CADM1: variants seen among roughly 807,000 people sequenced by gnomAD.
The protein encoded by CADM1 is cell adhesion molecule 1.
In CADM1, 15 loss-of-function variants were observed where a neutral mutation model predicts 53.1. The observed-to-expected ratio is 0.28, with a 90% CI of 0.19 to 0.44. The LOEUF is 0.44. Among genes scored for constraint, CADM1 ranks in the 20% least tolerant of loss-of-function variants. The pLI, the probability that CADM1 is intolerant of heterozygous loss-of-function variation, is 1.00. For synonymous variants in CADM1, 281 were observed against 243.0 expected (o/e 1.16, Z -1.45); for missense variants, 434 against 611.3 (o/e 0.71, Z 3.06).
intron 1 of CADM1, among the ~76,000 whole-genome samples, chr11:115,286,737 G>C (rs1943738938): frequency 6.6e-6 from 1 of 152,144 alleles, no homozygotes; most frequent in African/African-American, 2.4e-5. Context: ...TCTCCCCCCA[G>C]TTAAGGAACA....
intron 1 of CADM1, among the ~76,000 whole-genome samples, chr11:115,413,035 A>G (rs1329559733): frequency 1.3e-5 from 2 of 152,184 alleles, no homozygotes; most frequent in African/African-American, 4.8e-5. Flanking sequence ...GTACCATTTC[A>G]TTCAGCCATT....
At chr11:115,301,308 G>A (rs1486489200) in intron 1 of CADM1, among the ~76,000 whole-genome samples, 1 of 152,040 alleles carries the variant, frequency 6.6e-6, no homozygotes, top group East Asian at 1.9e-4. Context: ...CTATGTGTAT[G>A]ACACAGCCCG....
intron 1 of CADM1, among the ~76,000 whole-genome samples, chr11:115,379,035 G>C (rs1946510593): frequency 6.6e-6 from 1 of 152,168 alleles, no homozygotes; most frequent in Non-Finnish European, 1.5e-5. Context: ...AATGATAAAT[G>C]TCTCTAGCTA....
intron 1 of CADM1, among the ~76,000 whole-genome samples, chr11:115,503,062 G>C (rs374007613): frequency 3.9e-5 from 6 of 152,120 alleles, no homozygotes; most frequent in Admixed American, 6.5e-5. Context: ...CCGCGGCCCC[G>C]TGCCACTCGG....
chr11:115,471,629 TTC>T (rs1315413944), intron 1 of CADM1, among the ~76,000 whole-genome samples: 1 of 152,190 alleles, frequency 6.6e-6, no homozygotes, highest in African/African-American at 2.4e-5. Context: ...CCCCCAGAGT[TTC>T]TGACTCAGCA....
At chr11:115,391,318 T>C (rs220869) in intron 1 of CADM1, among the ~76,000 whole-genome samples, 3,301 of 152,344 alleles carry the variant, frequency 0.022, 134 homozygotes, top group African/African-American at 0.069. Context: ...ATTTCTTCTT[T>C]ACATTCATGT....
Position 115,214,776 on chromosome 11 carries a change from C to T in CADM1, c.826G>A (p.Val276Met). 1.2e-6 allele frequency: 2 copies of T among 1,613,820 alleles called. No homozygotes were observed. Among genetic ancestry groups the T allele is most frequent in the Non-Finnish European group, 1.7e-6 (2 of 1,179,854 alleles). ...TCEAIGKPQP[V>M]MVTWVRVDDE... ...TCGACTCTCACCCAAGTTACCATCA[C>T]AGGCCTGCAGGGGGAAGGGGAGGAA... Residue 276 changes from valine to methionine, a missense_variant, in exon 7 of 12, where the codon GTG becomes ATG. Transcript: ENST00000331581.
At position 115,284,142 on chromosome 11, in the gene CADM1, G is replaced by A. The variant is rs1023097660; in HGVS notation, c.125-43722C>T. On this transcript the variant is annotated intron_variant, in intron 1 of 11. Transcript: ENST00000331581. ...TGTGTGTGTGTGTGTGTGTGTGTGT[G>A]TGTGTGTGTGTGTATGGTGAGGAGG... Among the ~76,000 whole-genome samples, 71 of 130,396 alleles carry A rather than the reference G, an allele frequency of 5.4e-4. 1 individual carries two copies. Among genetic ancestry groups the A allele is most frequent in the African/African-American group, 2.2e-3 (70 of 32,014 alleles). 85.5% of individuals were successfully genotyped at this position (130,396 alleles called of 152,430 possible).
In CADM1 at chr11:115,176,508, T is replaced by C. The variant is rs753803938; in HGVS notation, c.1382A>G (p.Asn461Ser). The part of the protein sequence containing the change: ...TAIINAEGGQ[N>S]NSEEKKEYFI ...GTACTCTTTCTTTTCTTCGGAGTTG[T>C]TCTGTCCTCCTTCTGCATTGATTAT... Residue 461 changes from asparagine (N) to serine (S), a missense_variant, in exon 12 of 12, where the codon AAC (asparagine) becomes AGC (serine). Physicochemically the swap from Asn to Ser is conservative, Grantham distance 46. Coordinates refer to ENST00000331581, the MANE Select transcript of CADM1 (RefSeq NM_001301043.2). The C allele has an allele frequency of 1.2e-6, 2 of 1,614,126 alleles. No homozygotes were observed. The highest frequency in any genetic ancestry group is 8.5e-7 in the Non-Finnish European group (1 of 1,179,980).
rs532643540 is a variant in CADM1, at chr11:115,206,260, T to C, written c.1078+3314A>G. The stretch of plus-strand genomic sequence containing the variant: ...ACCATCATAAATCAGGGACTGTTTG[T>C]ATTCCTTTCAGTACTTTAGAGACTA... On this transcript the variant is annotated intron_variant, in intron 8 of 11. Coordinates refer to ENST00000331581, the MANE Select transcript of CADM1 (RefSeq NM_001301043.2). Among the ~76,000 whole-genome samples, 6 of 152,326 alleles carry C rather than the reference T, an allele frequency of 3.9e-5. No individual in the cohort carries two copies. The East Asian group carries it at 1.2e-3, about 29-fold the overall frequency.
chr11:115,486,438 T>C (rs1949374476), intron 1 of CADM1, among the ~76,000 whole-genome samples: 2 of 151,832 alleles, frequency 1.3e-5, no homozygotes, highest in African/African-American at 2.4e-5. Flanking sequence ...ATAGCCCCCA[T>C]CTCCCAGGTT....
At chr11:115,246,261 T>G (rs984675933) in intron 1 of CADM1, among the ~76,000 whole-genome samples, 1 of 152,260 alleles carries the variant, frequency 6.6e-6, no homozygotes, top group Non-Finnish European at 1.5e-5. Context: ...CTTAACCTTT[T>G]TGATCCTCTC....
At chr11:115,405,381 T>C (rs765841936) in intron 1 of CADM1, among the ~76,000 whole-genome samples, 4 of 152,216 alleles carry the variant, frequency 2.6e-5, no homozygotes, top group Non-Finnish European at 5.9e-5. Context: ...ACAGCACCTA[T>C]GCTACCAGCC....
chr11:115,256,245 C>T (rs963235208), intron 1 of CADM1, among the ~76,000 whole-genome samples: 1 of 152,176 alleles, frequency 6.6e-6, no homozygotes, highest in Admixed American at 6.5e-5. Context: ...TTCACTCTGG[C>T]TAGCAGATAA....
At chr11:115,224,561 C>T (rs564173155) in intron 5 of CADM1, among the ~76,000 whole-genome samples, 10 of 151,984 alleles carry the variant, frequency 6.6e-5, no homozygotes, top group Admixed American at 6.6e-4. Context: ...AGGATTTTTG[C>T]CAAACATTTT....
In CADM1 at chr11:115,172,748, TTTTTTTTTTTA is replaced by T. The variant is rs1251625629; in HGVS notation, c.*3715_*3725del. ...TGATTTTTTTTTTTTTTTTTTTTTT[TTTTTTTTTTTA>T]ACAGAGACAGGTAAGAGACCAGGCC... On this transcript the variant is annotated 3_prime_UTR_variant, in exon 12 of 12. Transcript: ENST00000331581. 0.042 allele frequency: 3,583 copies of T among 84,742 alleles called. 229 individuals carry two copies. The highest frequency in any genetic ancestry group is 0.15 in the African/African-American group (3,286 of 21,356). The allele number at this position is 84,742 out of a possible 1,614,324, so 5.2% of individuals were successfully genotyped here.
intron 1 of CADM1, among the ~76,000 whole-genome samples, chr11:115,473,062 G>A (rs1220067778): frequency 2.0e-5 from 3 of 152,108 alleles, no homozygotes; most frequent in African/African-American, 4.8e-5. Flanking sequence ...CAGAAAACTC[G>A]CCCTAGTTTA....
At chr11:115,216,063 G>C (rs1412159859) in intron 6 of CADM1, among the ~76,000 whole-genome samples, 1 of 152,228 alleles carries the variant, frequency 6.6e-6, no homozygotes, top group Non-Finnish European at 1.5e-5. Context: ...GGCCTGCCTG[G>C]CAATCAGACG....
At chr11:115,423,691 CTT>C (rs980499199) in intron 1 of CADM1, among the ~76,000 whole-genome samples, 2 of 152,166 alleles carry the variant, frequency 1.3e-5, no homozygotes, top group Admixed American at 1.3e-4. Flanking sequence ...GAGGGGAACT[CTT>C]GAAGTTTTTA....
Sources: allele counts gnomAD v4.1 joint callset (sites outside exome capture counted in the v4.1 genomes callset), GRCh38; gene constraint gnomAD v4.1.1; transcripts MANE v1.5; gene names NCBI Gene and HGNC (gene_info 2026-07-23, HGNC 2026-07-21).